The following NPAS2 variants were observed in gnomAD, a reference collection of about 807,000 sequenced individuals.
The protein encoded by NPAS2 is neuronal PAS domain-containing protein 2.
Under a neutral mutation model 107.5 loss-of-function variants are expected in NPAS2, and 23 were observed. The ratio of observed to expected loss-of-function variants is 0.21; its 90% CI spans 0.15 to 0.30. The LOEUF is 0.30. NPAS2 is among the 10% of genes least tolerant of loss of function. The pLI is 1.00. For missense variants in NPAS2, 756 were observed against 1,043.3 expected, an observed-to-expected ratio of 0.72 and a Z score of 3.79; for synonymous variants, 403 against 417.5, an observed-to-expected ratio of 0.97 and a Z score of 0.42.
At position 100,938,937 on chromosome 2, in the gene NPAS2, G is replaced by A. The variant is rs116929391; in HGVS notation, c.363+1095G>A. ...CCATGGATAGGTGGCCAGTTTATGT[G>A]ATGAAAAGAGGAAGGCTTGCCCTGG... is the stretch of plus-strand genomic sequence containing the variant. On this transcript the variant is annotated intron_variant, in intron 5 of 20. Coordinates refer to ENST00000335681, the MANE Select transcript of NPAS2 (RefSeq NM_002518.4). Among the ~76,000 whole-genome samples, 788 of 152,286 alleles carry A rather than the reference G, an allele frequency of 5.2e-3. 14 individuals are homozygous for A. In the East Asian group the frequency reaches 0.055, roughly 11 times the overall value.
chr2:100,878,149 C>T (rs1440582763), intron 1 of NPAS2: 5 of 985,422 alleles, frequency 5.1e-6, no homozygotes, highest in Non-Finnish European at 6.0e-6. Flanking sequence ...TGACAGAAGA[C>T]AGCCTCCAGG....
At chr2:100,982,071 CCT>C (rs1036799516) in intron 15 of NPAS2, among the ~76,000 whole-genome samples, 158 bp from the exon 16 acceptor site, 14 of 152,342 alleles carry the variant, frequency 9.2e-5, no homozygotes, top group Middle Eastern at 6.8e-3. Context: ...ATCTGCAGCC[CCT>C]GTTCACTGCC....
intron 2 of NPAS2, among the ~76,000 whole-genome samples, chr2:100,916,746 C>G (rs1469725457): frequency 6.6e-6 from 1 of 152,160 alleles, no homozygotes; most frequent in Non-Finnish European, 1.5e-5. Context: ...CAACATTCCA[C>G]TCAGCAATAA....
rs768696753 is a variant in NPAS2 at position 100,995,520 on chromosome 2, C to A, written c.2413C>A (p.Arg805Ser). The change falls in exon 21 of 21, where the codon CGT (arginine) becomes AGT (serine). Residue 805 changes from arginine (R) to serine (S), a missense_variant. By Grantham distance (110) the Arg-to-Ser change is moderately radical (BLOSUM62 -1). Coordinates refer to ENST00000335681, the MANE Select transcript of NPAS2 (RefSeq NM_002518.4). ...QPPPAQPQPL[R>S]PPRRVSSLSE... ...ACCCCCAGCACAGCCCCAGCCCCTACGTCCTCCCCGAAGGGTCAGCAGTCT... is the reference window on the plus strand; with the variant it reads ...ACCCCCAGCACAGCCCCAGCCCCTAAGTCCTCCCCGAAGGGTCAGCAGTCT... 1 of 1,613,186 alleles carries A rather than the reference C, an allele frequency of 6.2e-7. No homozygotes were observed. Among genetic ancestry groups the A allele is most frequent in the Middle Eastern group, 1.7e-4 (1 of 6,060 alleles).
chr2:100,835,198 G>A (rs1022686091), intron 1 of NPAS2, among the ~76,000 whole-genome samples: 2 of 152,172 alleles, frequency 1.3e-5, no homozygotes, highest in Admixed American at 6.5e-5. Context: ...CAGGCCACCG[G>A]GGCGCAGATA....
chr2:100,822,216 G>A (rs1484191739), intron 1 of NPAS2, among the ~76,000 whole-genome samples: 1 of 152,134 alleles, frequency 6.6e-6, no homozygotes, highest in African/African-American at 2.4e-5. Flanking sequence ...TTAATAAAAC[G>A]TTACCCCCAA....
chr2:100,819,541 T>G (rs1391913309), upstream of NPAS2, among the ~76,000 whole-genome samples: 1 of 151,768 alleles, frequency 6.6e-6, no homozygotes, highest in Non-Finnish European at 1.5e-5. The surrounding 1 kb of genome is among the most constrained non-coding windows in gnomAD (Gnocchi z 5.8). Flanking sequence ...AGAGACGCGC[T>G]TTGTGCCCTG....
Position 100,982,332 on chromosome 2 carries a change from C to G in NPAS2, c.1584C>G (p.His528Gln), listed in dbSNP as rs765129798. The G allele has an allele frequency of 1.2e-6, 2 of 1,614,202 alleles. No individual in the cohort carries two copies. Among genetic ancestry groups the G allele is most frequent in the South Asian group, 1.1e-5 (1 of 91,088 alleles). ...TCCGGTGGCAACAGGAAGAGCTCCA[C>G]AAGATCCAGGAGCAGCTCTGCCTGG... ...ANIRWQQEELHKIQEQLCLVQ... is the reference protein window; with the variant it reads ...ANIRWQQEELQKIQEQLCLVQ... Residue 528 changes from histidine (H) to glutamine (Q), a missense_variant, in exon 16 of 21, where the codon CAC becomes CAG. Physicochemically the swap from His to Gln is conservative, Grantham distance 24 (BLOSUM62 0). Transcript: ENST00000335681.
intron 7 of NPAS2, among the ~76,000 whole-genome samples, chr2:100,949,902 G>A (rs900111929): frequency 7.9e-5 from 12 of 152,154 alleles, no homozygotes; most frequent in African/African-American, 1.4e-4. Context: ...GACCTGGTCC[G>A]TAGGTCTTCT....
intron 7 of NPAS2, among the ~76,000 whole-genome samples, chr2:100,960,512 G>A (rs1257644793): frequency 2.6e-5 from 4 of 151,836 alleles, no homozygotes; most frequent in South Asian, 2.1e-4. Context: ...ACCACGCCAC[G>A]CACCTGCTCT....
chr2:100,907,672 T>A (rs1682252781), intron 2 of NPAS2, among the ~76,000 whole-genome samples: 1 of 152,212 alleles, frequency 6.6e-6, no homozygotes, highest in Non-Finnish European at 1.5e-5. Flanking sequence ...AGATCAAAAC[T>A]CTCATTGCCT....
chr2:100,926,422 A>G (rs1009099032), intron 3 of NPAS2, among the ~76,000 whole-genome samples: 5 of 152,172 alleles, frequency 3.3e-5, no homozygotes, highest in Non-Finnish European at 7.4e-5. Context: ...ATTTCTCCAC[A>G]TCCTTGGCAA....
At chr2:100,957,949 T>C (rs947181464) in intron 7 of NPAS2, among the ~76,000 whole-genome samples, 3 of 152,162 alleles carry the variant, frequency 2.0e-5, no homozygotes, top group Admixed American at 6.5e-5. Context: ...GTCTTTGCTT[T>C]ACGGGGTCCT....
chr2:100,917,626 A>G (rs1479105521), intron 2 of NPAS2, among the ~76,000 whole-genome samples: 2 of 152,256 alleles, frequency 1.3e-5, no homozygotes, highest in Non-Finnish European at 2.9e-5. Flanking sequence ...AAGAAGGCCT[A>G]TCATTAGATA....
intron 1 of NPAS2, among the ~76,000 whole-genome samples, chr2:100,823,047 C>G (rs921758219): frequency 6.6e-6 from 1 of 152,158 alleles, no homozygotes; most frequent in Non-Finnish European, 1.5e-5. Context: ...CACAGCATCT[C>G]ATCTCGATGG....
chr2:100,920,777 G>A (rs558661435), intron 2 of NPAS2, among the ~76,000 whole-genome samples: 7 of 152,336 alleles, frequency 4.6e-5, no homozygotes, highest in South Asian at 2.1e-4. Context: ...GCACTTGTGC[G>A]TACGTGTTCT....
At chr2:100,842,892 G>A (rs1476420408) in intron 1 of NPAS2, among the ~76,000 whole-genome samples, 1 of 152,180 alleles carries the variant, frequency 6.6e-6, no homozygotes, top group Non-Finnish European at 1.5e-5. Flanking sequence ...ATAATGAAGT[G>A]ATTCTGTCCT....
At chr2:100,951,885 C>T (rs1159255136) in intron 7 of NPAS2, among the ~76,000 whole-genome samples, 5 of 152,154 alleles carry the variant, frequency 3.3e-5, no homozygotes, top group African/African-American at 9.7e-5. Context: ...CGCGGTGGCT[C>T]ACACCTGTAA....
intron 17 of NPAS2, chr2:100,989,257 G>T (rs980004764): frequency 1.9e-5 from 3 of 154,166 alleles, no homozygotes; most frequent in Admixed American, 1.3e-4. Context: ...AGACCCAGGG[G>T]AACAATGATG....
Sources: gnomAD v4.1 joint callset for allele counts (sites outside exome capture counted in the v4.1 genomes callset) on GRCh38, gnomAD v4.1.1 for gene constraint, Gnocchi (gnomAD v3.1) non-coding constraint, MANE v1.5 for transcripts, NCBI Gene and HGNC (gene_info 2026-07-23, HGNC 2026-07-21) for gene names.